The following ARHGEF12 variants were observed in gnomAD, a reference collection of about 807,000 sequenced individuals.
ARHGEF12 encodes the protein Rho guanine nucleotide exchange factor 12.
ARHGEF12 carries 66 observed loss-of-function variants against 211.2 expected under a neutral mutation model. The ratio of observed to expected loss-of-function variants is 0.31; its 90% CI spans 0.26 to 0.38. The LOEUF (loss-of-function observed/expected upper bound fraction) is 0.38, where lower values mean the gene tolerates loss of function less well. Among genes scored for constraint, ARHGEF12 ranks in the 10% least tolerant of loss-of-function variants. The probability of loss-of-function intolerance (pLI) is 1.00; values close to 1 mark genes in which losing one functional copy is unlikely to be tolerated. For synonymous variants in ARHGEF12, 592 were observed against 638.4 expected (o/e 0.93, Z 1.09); for missense variants, 1,429 against 1,869.5 (o/e 0.76, Z 4.34).
intron 27 of ARHGEF12, among the ~76,000 whole-genome samples, chr11:120,462,113 A>C (rs982619768): frequency 6.6e-6 from 1 of 152,230 alleles, no homozygotes; most frequent in Non-Finnish European, 1.5e-5. Flanking sequence ...AGCTTTTGAC[A>C]TGCCTTCCTT....
At chr11:120,360,282 G>A (rs909135300) in intron 1 of ARHGEF12, among the ~76,000 whole-genome samples, 9 of 152,180 alleles carry the variant, frequency 5.9e-5, no homozygotes, top group African/African-American at 1.9e-4. Flanking sequence ...CCTTTATCCT[G>A]CTGACTGTTT....
chr11:120,447,785 C>A, intron 18 of ARHGEF12, 89 bp from the exon 19 acceptor site: 2 of 909,510 alleles, frequency 2.2e-6, no homozygotes, highest in South Asian at 1.6e-5. Flanking sequence ...CATTGCACTC[C>A]AGCCTGGGTG....
At chr11:120,423,058 A>G (rs2135684008) in intron 6 of ARHGEF12, among the ~76,000 whole-genome samples, 1 of 152,326 alleles carries the variant, frequency 6.6e-6, no homozygotes, top group East Asian at 1.9e-4. Context: ...CTTTTAAATT[A>G]TAAGAAAGGA....
intron 4 of ARHGEF12, among the ~76,000 whole-genome samples, chr11:120,418,384 G>C (rs1945090515): frequency 6.6e-6 from 1 of 152,088 alleles, no homozygotes; most frequent in Non-Finnish European, 1.5e-5. Flanking sequence ...CATGTTTGTT[G>C]TATGAGTAGT....
intron 29 of ARHGEF12, 51 bp from the exon 30 acceptor site, chr11:120,469,237 A>G (rs1201904475): frequency 1.5e-6 from 2 of 1,345,314 alleles, no homozygotes; most frequent in South Asian, 2.5e-5. Context: ...CATATATTTT[A>G]TGGTTTTTTG....
chr11:120,342,701 A>T (rs1942572154), intron 1 of ARHGEF12, among the ~76,000 whole-genome samples: 1 of 152,214 alleles, frequency 6.6e-6, no homozygotes, highest in African/African-American at 2.4e-5. Flanking sequence ...GTCAAATGAA[A>T]CAAATTTATA....
At chr11:120,361,484 T>C (rs1943273069) in intron 1 of ARHGEF12, among the ~76,000 whole-genome samples, 1 of 152,274 alleles carries the variant, frequency 6.6e-6, no homozygotes, top group Non-Finnish European at 1.5e-5. Context: ...TCTGCTCATC[T>C]ATAGAATCTA....
intron 1 of ARHGEF12, among the ~76,000 whole-genome samples, chr11:120,401,385 A>G (rs1340531609): frequency 6.6e-6 from 1 of 152,234 alleles, no homozygotes; most frequent in Non-Finnish European, 1.5e-5. Flanking sequence ...CCTATACTTA[A>G]GAGCTCTTAT....
chr11:120,429,527 G>GA lies in ARHGEF12; in HGVS notation c.663+11dup, dbSNP rs772385167. 6.2e-7 allele frequency: 1 copy of GA among 1,612,652 alleles called. No individual in the cohort carries two copies. The highest frequency in any genetic ancestry group is 8.5e-7 in the Non-Finnish European group (1 of 1,179,380). ...ACAGGAACGGCTACAGGTATTAAAT[G>GA]AGAAGTAGGGCTGTTTACAGGCCAA... On this transcript the variant is annotated intron_variant, in intron 9 of 40. Coordinates refer to ENST00000397843, the MANE Select transcript of ARHGEF12 (RefSeq NM_015313.3).
intron 1 of ARHGEF12, among the ~76,000 whole-genome samples, chr11:120,377,678 A>G (rs948441771): frequency 6.6e-6 from 1 of 151,908 alleles, no homozygotes; most frequent in African/African-American, 2.4e-5. Flanking sequence ...GATGCATCCA[A>G]ATTGTTTCAT....
intron 1 of ARHGEF12, among the ~76,000 whole-genome samples, chr11:120,383,894 T>G (rs1943951760): frequency 6.6e-6 from 1 of 152,098 alleles, no homozygotes; most frequent in Non-Finnish European, 1.5e-5. Context: ...TAAAGTTTTG[T>G]TTGGTGATCT....
chr11:120,377,594 C>T (rs1007287841), intron 1 of ARHGEF12, among the ~76,000 whole-genome samples: 3 of 152,130 alleles, frequency 2.0e-5, no homozygotes, highest in African/African-American at 4.8e-5. Context: ...CTGACCCCTG[C>T]GAAGTGCTGG....
At chr11:120,439,579 T>TA (rs1414004743) in intron 12 of ARHGEF12, 1 of 152,236 alleles carries the variant, frequency 6.6e-6, no homozygotes, top group Non-Finnish European at 1.5e-5. Flanking sequence ...AATGAAAACA[T>TA]AGAGTTCGAT....
chr11:120,448,205 C>G (rs1441154458), intron 19 of ARHGEF12, 29 bp from the exon 20 acceptor site: 1 of 1,526,150 alleles, frequency 6.6e-7, no homozygotes, highest in Non-Finnish European at 9.0e-7. Context: ...TCTCAGAAGT[C>G]TTAATTTACT....
chr11:120,429,495 A>G lies in ARHGEF12; in HGVS notation c.641A>G (p.Gln214Arg), dbSNP rs765957041. Residue 214 changes from glutamine (Q) to arginine (R), a missense_variant, in exon 9 of 41, where the codon CAG becomes CGG. Coordinates refer to ENST00000397843, the MANE Select transcript of ARHGEF12 (RefSeq NM_015313.3). ...QKVEILRKML[Q>R]KEQERLQLLQ... ...GTAGAAATTCTGAGAAAAATGTTACAGAAAGAACAGGAACGGCTACAGGTA... is the reference window on the plus strand; with the variant it reads ...GTAGAAATTCTGAGAAAAATGTTACGGAAAGAACAGGAACGGCTACAGGTA... 2.5e-6 allele frequency: 4 copies of G among 1,613,946 alleles called. No homozygotes were observed. The highest frequency in any genetic ancestry group is 3.4e-6 in the Non-Finnish European group (4 of 1,179,890).
intron 13 of ARHGEF12, among the ~76,000 whole-genome samples, chr11:120,441,033 A>C (rs781298849): frequency 1.3e-5 from 2 of 152,166 alleles, no homozygotes; most frequent in Non-Finnish European, 2.9e-5. Context: ...AATGAACCTC[A>C]GTTGGTCATG....
intron 1 of ARHGEF12, among the ~76,000 whole-genome samples, chr11:120,352,233 G>C (rs1166468881): frequency 6.6e-6 from 1 of 152,100 alleles, no homozygotes; most frequent in Non-Finnish European, 1.5e-5. Flanking sequence ...GTTTAGGTTT[G>C]TTATTAGTTG....
intron 15 of ARHGEF12, among the ~76,000 whole-genome samples, chr11:120,444,713 A>G (rs1945992682): frequency 6.6e-6 from 1 of 152,254 alleles, no homozygotes; most frequent in Non-Finnish European, 1.5e-5. Flanking sequence ...GCAAAATAAT[A>G]AAGTATTCCC....
chr11:120,472,694 G>T (rs750899244), intron 30 of ARHGEF12, among the ~76,000 whole-genome samples: 3 of 151,390 alleles, frequency 2.0e-5, no homozygotes, highest in Admixed American at 6.6e-5. Context: ...TTGCTGTGTC[G>T]CCCAGGCTGG....
Sources: allele counts gnomAD v4.1 joint callset (sites outside exome capture counted in the v4.1 genomes callset), GRCh38; gene constraint gnomAD v4.1.1; transcripts MANE v1.5; gene names NCBI Gene and HGNC (gene_info 2026-07-23, HGNC 2026-07-21).